PGCKA1: variants seen among roughly 807,000 people sequenced by gnomAD.
The protein encoded by PGCKA1 is PDCD10 and GCKIII kinases associated 1.
At chr4:37,493,906 C>A in the PGCKA1 span, among the ~76,000 whole-genome samples, 1 of 152,164 alleles carries the variant, frequency 6.6e-6, no homozygotes, top group Non-Finnish European at 1.5e-5. Flanking sequence ...ATGACAGGAT[C>A]TCATTCTTTT....
the PGCKA1 span, among the ~76,000 whole-genome samples, chr4:37,527,483 G>A: frequency 1.3e-5 from 2 of 151,848 alleles, no homozygotes; most frequent in African/African-American, 4.8e-5. Context: ...CTTTTATACC[G>A]CATTTTTACT....
At chr4:37,495,843 C>G in the PGCKA1 span, among the ~76,000 whole-genome samples, 1 of 151,860 alleles carries the variant, frequency 6.6e-6, no homozygotes, top group Non-Finnish European at 1.5e-5. Flanking sequence ...TATCCCAGAA[C>G]TTAAAGTATA....
At chr4:37,510,624 T>C in the PGCKA1 span, among the ~76,000 whole-genome samples, 1 of 148,952 alleles carries the variant, frequency 6.7e-6, no homozygotes, top group Non-Finnish European at 1.5e-5. Flanking sequence ...GTGCCCCCTG[T>C]GACCACTACC....
the PGCKA1 span, among the ~76,000 whole-genome samples, chr4:37,534,616 C>A: frequency 6.6e-6 from 1 of 152,170 alleles, no homozygotes; most frequent in Non-Finnish European, 1.5e-5. Flanking sequence ...ATTCTGGATG[C>A]TGGGATGTCC....
chr4:37,579,062 CATAA>C, the PGCKA1 span, among the ~76,000 whole-genome samples: 1 of 151,948 alleles, frequency 6.6e-6, no homozygotes, highest in Admixed American at 6.6e-5. Flanking sequence ...CGTCTCAAAA[CATAA>C]ATAAATAAAT....
the PGCKA1 span, among the ~76,000 whole-genome samples, chr4:37,473,589 G>A: frequency 6.6e-6 from 1 of 152,140 alleles, no homozygotes; most frequent in Non-Finnish European, 1.5e-5. Flanking sequence ...TTTTGGATTT[G>A]TTATTTTAAT....
chr4:37,585,899 A>G, the PGCKA1 span, among the ~76,000 whole-genome samples: 1 of 151,786 alleles, frequency 6.6e-6, no homozygotes, highest in African/African-American at 2.4e-5. Flanking sequence ...AATTGGTGTC[A>G]CAGTTGATAG....
chr4:37,506,272 C>T, the PGCKA1 span, among the ~76,000 whole-genome samples: 1 of 151,810 alleles, frequency 6.6e-6, no homozygotes, highest in African/African-American at 2.4e-5. Context: ...TTCACTTCAA[C>T]TTCATTTATT....
the PGCKA1 span, among the ~76,000 whole-genome samples, chr4:37,589,842 G>T: frequency 3.3e-5 from 5 of 152,304 alleles, no homozygotes; most frequent in East Asian, 9.6e-4. Flanking sequence ...ATGTCGGTCA[G>T]GCTGGTCTCG....
At chr4:37,587,284 T>C in the PGCKA1 span, among the ~76,000 whole-genome samples, 295 of 152,258 alleles carry the variant, frequency 1.9e-3, 2 homozygotes, top group African/African-American at 6.5e-3. Context: ...ATCCTACACT[T>C]AATCACATCT....
At chr4:37,585,820 A>C in the PGCKA1 span, among the ~76,000 whole-genome samples, 1 of 152,182 alleles carries the variant, frequency 6.6e-6, no homozygotes, top group Non-Finnish European at 1.5e-5. Flanking sequence ...ACATGTGTAC[A>C]CAGTTCCATA....
the PGCKA1 span, among the ~76,000 whole-genome samples, chr4:37,508,177 A>G: frequency 6.6e-6 from 1 of 152,054 alleles, no homozygotes; most frequent in Non-Finnish European, 1.5e-5. Context: ...TGGTTATTAA[A>G]TGCCTTGAGG....
At chr4:37,465,663 G>A in the PGCKA1 span, among the ~76,000 whole-genome samples, 1 of 152,162 alleles carries the variant, frequency 6.6e-6, no homozygotes, top group East Asian at 1.9e-4. Context: ...GTCCCTCTCA[G>A]TGGATGTTAA....
At chr4:37,575,484 C>T in the PGCKA1 span, among the ~76,000 whole-genome samples, 1 of 151,608 alleles carries the variant, frequency 6.6e-6, no homozygotes, top group East Asian at 1.9e-4. Flanking sequence ...AAGCTCCTTA[C>T]ATATTTTGGT....
At chr4:37,493,070 G>A in the PGCKA1 span, among the ~76,000 whole-genome samples, 3,836 of 152,070 alleles carry the variant, frequency 0.025, 147 homozygotes, top group East Asian at 0.074. Context: ...ATGTATATGC[G>A]TCTATATATG....
the PGCKA1 span, among the ~76,000 whole-genome samples, chr4:37,573,774 A>C: frequency 6.6e-6 from 1 of 152,228 alleles, no homozygotes; most frequent in Admixed American, 6.5e-5. Context: ...GCTGAGTCAG[A>C]GATTATGCAT....
the PGCKA1 span, among the ~76,000 whole-genome samples, chr4:37,504,738 A>G: frequency 6.6e-6 from 1 of 152,178 alleles, no homozygotes; most frequent in African/African-American, 2.4e-5. Flanking sequence ...CCGTTGGCAC[A>G]CAGAAATACT....
At chr4:37,516,684 G>A in the PGCKA1 span, among the ~76,000 whole-genome samples, 64 of 152,242 alleles carry the variant, frequency 4.2e-4, no homozygotes, top group South Asian at 3.1e-3. Flanking sequence ...GAATACTCTT[G>A]TGACACGCTG....
the PGCKA1 span, chr4:37,590,133 T>C: frequency 1.0e-4 from 165 of 1,614,018 alleles, no homozygotes; most frequent in Non-Finnish European, 1.3e-4. Flanking sequence ...GCTATGTCAA[T>C]GAAGTCAACA....
Sources: gnomAD v4.1 joint callset for allele counts (sites outside exome capture counted in the v4.1 genomes callset) on GRCh38, gnomAD v4.1.1 for gene constraint, MANE v1.5 for transcripts, NCBI Gene and HGNC (gene_info 2026-07-23, HGNC 2026-07-21) for gene names.